The following ANKS1B variants were observed in gnomAD, a reference collection of about 807,000 sequenced individuals.
ANKS1B encodes ankyrin repeat and sterile alpha motif domain containing 1B.
Under a neutral mutation model 148.3 loss-of-function variants are expected in ANKS1B, and 36 were observed. That is an observed-to-expected ratio of 0.24 (90% CI 0.19 to 0.32). The LOEUF (loss-of-function observed/expected upper bound fraction) is 0.32, where lower values mean the gene tolerates loss of function less well. ANKS1B is among the 10% of genes least tolerant of loss of function. The pLI is 1.00. For synonymous variants in ANKS1B, 542 were observed against 560.8 expected (o/e 0.97, Z 0.47); for missense variants, 1,157 against 1,542.6 (o/e 0.75, Z 4.19).
At chr12:98,881,000 T>A (rs1047049858) in intron 17 of ANKS1B, among the ~76,000 whole-genome samples, 1 of 151,134 alleles carries the variant, frequency 6.6e-6, no homozygotes, top group Non-Finnish European at 1.5e-5. Context: ...TTGGAAAGTT[T>A]TTTTTAAAAA....
intron 12 of ANKS1B, among the ~76,000 whole-genome samples, chr12:99,312,535 G>A (rs958137103): frequency 2.0e-5 from 3 of 152,024 alleles, no homozygotes; most frequent in African/African-American, 7.2e-5. Flanking sequence ...CCAAAATGAC[G>A]ACATAGACCA....
chr12:99,730,643 G>A (rs1233477452), intron 8 of ANKS1B, among the ~76,000 whole-genome samples: 2 of 152,156 alleles, frequency 1.3e-5, no homozygotes, highest in Non-Finnish European at 2.9e-5. Flanking sequence ...GAGAAAAGCT[G>A]ATATCCTTCC....
chr12:99,303,261 T>A (rs576461652), intron 12 of ANKS1B, among the ~76,000 whole-genome samples: 2 of 152,174 alleles, frequency 1.3e-5, no homozygotes, highest in Non-Finnish European at 2.9e-5. Flanking sequence ...ACATCATAGA[T>A]GAAATGCAAG....
intron 22 of ANKS1B, among the ~76,000 whole-genome samples, chr12:98,782,755 T>C (rs2098750025): frequency 6.6e-6 from 1 of 152,264 alleles, no homozygotes; most frequent in African/African-American, 2.4e-5. Context: ...GTATACAGGA[T>C]GTGAAAAAGC....
intron 17 of ANKS1B, among the ~76,000 whole-genome samples, chr12:98,866,371 G>A (rs2099624713): frequency 6.6e-6 from 1 of 152,088 alleles, no homozygotes; most frequent in South Asian, 2.1e-4. Context: ...TCTTATATCT[G>A]GTCTTGCTGC....
chr12:99,461,309 T>C (rs1000241600), intron 10 of ANKS1B, among the ~76,000 whole-genome samples: 18 of 152,110 alleles, frequency 1.2e-4, no homozygotes, highest in African/African-American at 4.1e-4. Context: ...GATAAAAGTC[T>C]ACACATTGGG....
chr12:98,778,955 C>A (rs536946729), intron 24 of ANKS1B, among the ~76,000 whole-genome samples: 19 of 152,110 alleles, frequency 1.2e-4, no homozygotes, highest in African/African-American at 4.6e-4. Context: ...CCTGTATAGC[C>A]AGTTGAAATT....
intron 9 of ANKS1B, among the ~76,000 whole-genome samples, chr12:99,576,897 A>T (rs76439845): frequency 1.3e-4 from 19 of 151,446 alleles, no homozygotes; most frequent in African/African-American, 4.6e-4. Context: ...TAGTTTTTCA[A>T]CTCTCACTCC....
In ANKS1B at chr12:99,065,923, G is replaced by A. The variant is rs78595286; in HGVS notation, c.2626-12614C>T. 4.8e-3 allele frequency among the ~76,000 whole-genome samples: 731 copies of A among 152,242 alleles called. 25 individuals are homozygous for A. The East Asian group carries it at 0.084, about 18-fold the overall frequency. On this transcript the variant is annotated intron_variant, in intron 16 of 26. Transcript: ENST00000683438. ...AAAGAGAAAGTGCAGTGGGGGGATCGGAAGTACTGGAGTGTGTGTATGGTG... is the reference window on the plus strand; with the variant it reads ...AAAGAGAAAGTGCAGTGGGGGGATCAGAAGTACTGGAGTGTGTGTATGGTG...
intron 8 of ANKS1B, among the ~76,000 whole-genome samples, chr12:99,720,131 T>C (rs944502758): frequency 1.3e-5 from 2 of 152,194 alleles, no homozygotes; most frequent in African/African-American, 4.8e-5. Flanking sequence ...CATAGAAATC[T>C]ATCCTCAAGG....
chr12:99,561,022 A>G lies in ANKS1B; in HGVS notation c.1273-56381T>C, dbSNP rs1252096039. ...CCACCATGCCCAGCTAATTTTTTGT[A>G]TTTTTAGTAGAGACGGGTTTTCACC... On this transcript the variant is annotated intron_variant, in intron 9 of 26. Transcript: ENST00000683438. 2.6e-5 allele frequency among the ~76,000 whole-genome samples: 4 copies of G among 151,080 alleles called. No individual in the cohort carries two copies. The East Asian group carries it at 5.9e-4, about 22-fold the overall frequency.
chr12:99,059,350 A>C (rs1193012889), intron 16 of ANKS1B, among the ~76,000 whole-genome samples: 1 of 152,222 alleles, frequency 6.6e-6, no homozygotes, highest in East Asian at 1.9e-4. Context: ...AAGTGACTTA[A>C]TGAATACATG....
intron 17 of ANKS1B, chr12:98,894,541 C>T (rs1170090621): frequency 1.0e-6 from 1 of 981,546 alleles, no homozygotes; most frequent in Non-Finnish European, 1.2e-6. Flanking sequence ...GCTTCCTCCG[C>T]CTCTGCCCCG....
At chr12:99,032,096 G>A (rs2099952584) in intron 17 of ANKS1B, among the ~76,000 whole-genome samples, 1 of 152,214 alleles carries the variant, frequency 6.6e-6, no homozygotes, top group Non-Finnish European at 1.5e-5. Context: ...GAGGTGGAGG[G>A]AAGCCATCGT....
chr12:98,792,453 G>T (rs2098885510), intron 22 of ANKS1B, among the ~76,000 whole-genome samples: 1 of 152,096 alleles, frequency 6.6e-6, no homozygotes, highest in Admixed American at 6.6e-5. Context: ...TTTGTTTTCA[G>T]AAATTCAAAA....
intron 15 of ANKS1B, among the ~76,000 whole-genome samples, chr12:99,127,145 C>A (rs903974790): frequency 1.8e-4 from 27 of 152,152 alleles, no homozygotes; most frequent in Non-Finnish European, 3.2e-4. Context: ...AAACTCCCAC[C>A]TCAGCAGACT....
chr12:99,984,471 T>C lies in ANKS1B; in HGVS notation c.-234A>G, dbSNP rs528680924. Reference sequence around the variant, plus strand: ...GTCTTGAAAGAGGGGCTGGCCGAGCTGGGAGCCGCGACGCGCCCCCACAGC... The same window carrying C: ...GTCTTGAAAGAGGGGCTGGCCGAGCCGGGAGCCGCGACGCGCCCCCACAGC... On this transcript the variant is annotated 5_prime_UTR_variant, in exon 1 of 27. Coordinates refer to ENST00000683438, the MANE Select transcript of ANKS1B (RefSeq NM_001352186.2). 2.4e-4 allele frequency: 98 copies of C among 416,802 alleles called. No individual in the cohort carries two copies. Among genetic ancestry groups the C allele is most frequent in the African/African-American group, 1.8e-3 (89 of 50,510 alleles). 25.8% of individuals were successfully genotyped at this position (416,802 alleles called of 1,614,324 possible).
intron 24 of ANKS1B, among the ~76,000 whole-genome samples, chr12:98,775,972 T>A (rs2098669276): frequency 2.0e-5 from 3 of 152,272 alleles, no homozygotes. Flanking sequence ...TCATCCTAAC[T>A]GGCGCTTAAA....
chr12:99,891,577 A>T lies in ANKS1B; in HGVS notation c.135-66188T>A, dbSNP rs12297067. Among the ~76,000 whole-genome samples, 764 of 152,200 alleles carry T rather than the reference A, an allele frequency of 5.0e-3. 10 individuals are homozygous for T. Among genetic ancestry groups the T allele is most frequent in the African/African-American group, 0.017 (715 of 41,510 alleles). ...GACTATTTATGTTGAGCATATTTTC[A>T]TGTGTTTATTAGCCATTTGTAGATC... is the stretch of plus-strand genomic sequence containing the variant. On this transcript the variant is annotated intron_variant, in intron 1 of 26. Transcript: ENST00000683438.
Sources: gnomAD v4.1 joint callset for allele counts (sites outside exome capture counted in the v4.1 genomes callset) on GRCh38, gnomAD v4.1.1 for gene constraint, MANE v1.5 for transcripts, NCBI Gene and HGNC (gene_info 2026-07-23, HGNC 2026-07-21) for gene names.